SLC4A4: variants seen among roughly 807,000 people sequenced by gnomAD.
SLC4A4 encodes the protein electrogenic sodium bicarbonate cotransporter 1.
A neutral mutation model predicts 111.5 loss-of-function variants in SLC4A4; 27 were observed. That is an observed-to-expected ratio of 0.24 (90% CI 0.18 to 0.33). The LOEUF is 0.33. Ranked by LOEUF, SLC4A4 falls within the 10% of genes least tolerant of loss-of-function variation. The pLI, the probability that SLC4A4 is intolerant of heterozygous loss-of-function variation, is 1.00. For missense variants in SLC4A4, 909 were observed against 1,315.5 expected (o/e 0.69, Z 4.78); for synonymous variants, 443 against 463.4 (o/e 0.96, Z 0.57).
intron 2 of SLC4A4, among the ~76,000 whole-genome samples, chr4:71,112,201 C>T (rs184909863): frequency 6.6e-6 from 1 of 152,194 alleles, no homozygotes; most frequent in Non-Finnish European, 1.5e-5. Context: ...TAATTAAAAA[C>T]AAACAATTAT....
rs148333784 is a variant in SLC4A4 at position 71,494,313 on chromosome 4, T to A, written c.1975-3188T>A. On this transcript the variant is annotated intron_variant, in intron 15 of 25. Coordinates refer to ENST00000264485, the MANE Select transcript of SLC4A4 (RefSeq NM_001098484.3). ...TTCTGAGATTGTGTTCCCATTTGTC[T>A]TGTTCTTTGTTTTCTTCAGAGACAG... 2.6e-4 allele frequency among the ~76,000 whole-genome samples: 39 copies of A among 152,136 alleles called. No homozygotes were observed. The East Asian group carries it at 7.6e-3, about 30-fold the overall frequency.
intron 3 of SLC4A4, among the ~76,000 whole-genome samples, chr4:71,302,567 G>A (rs1725358509): frequency 6.6e-6 from 1 of 152,144 alleles, no homozygotes; most frequent in Non-Finnish European, 1.5e-5. Flanking sequence ...AACCTAATGG[G>A]GTTGCCTGTA....
chr4:71,421,625 T>A (rs1206555142), intron 7 of SLC4A4, among the ~76,000 whole-genome samples: 1 of 152,156 alleles, frequency 6.6e-6, no homozygotes, highest in African/African-American at 2.4e-5. Flanking sequence ...ACAGAAATTA[T>A]AACAAACGAT....
At chr4:71,502,306 A>AT (rs1223362131) in intron 16 of SLC4A4, among the ~76,000 whole-genome samples, 2 of 152,170 alleles carry the variant, frequency 1.3e-5, no homozygotes, top group East Asian at 3.9e-4. Context: ...AGTTTTGTTA[A>AT]TTTTTTTAAC....
chr4:71,115,420 A>C (rs886998158), intron 2 of SLC4A4, among the ~76,000 whole-genome samples: 10 of 152,200 alleles, frequency 6.6e-5, no homozygotes, highest in Non-Finnish European at 1.2e-4. Flanking sequence ...ACAAAACAAA[A>C]CAAAACAAAA....
chr4:71,214,000 A>G (rs1294897542), intron 1 of SLC4A4, among the ~76,000 whole-genome samples: 1 of 152,152 alleles, frequency 6.6e-6, no homozygotes, highest in African/African-American at 2.4e-5. Context: ...TGTTCTCTAC[A>G]CCCTACGTAG....
intron 14 of SLC4A4, among the ~76,000 whole-genome samples, chr4:71,474,662 T>C (rs1728195209): frequency 6.6e-6 from 1 of 151,754 alleles, no homozygotes; most frequent in South Asian, 2.1e-4. Flanking sequence ...TGGATTCTTT[T>C]TGTGTTAAGA....
intron 5 of SLC4A4, among the ~76,000 whole-genome samples, chr4:71,354,324 A>G (rs1730096389): frequency 6.6e-6 from 1 of 152,150 alleles, no homozygotes; most frequent in Non-Finnish European, 1.5e-5. Flanking sequence ...TATTGGTCCT[A>G]TTGTTTCTTA....
At chr4:71,459,065 T>C (rs1392076570) in intron 12 of SLC4A4, among the ~76,000 whole-genome samples, 1 of 152,066 alleles carries the variant, frequency 6.6e-6, no homozygotes, top group Non-Finnish European at 1.5e-5. Flanking sequence ...TATTTCTTCT[T>C]TAAAGAAGCT....
intron 7 of SLC4A4, among the ~76,000 whole-genome samples, chr4:71,421,484 A>C (rs1722498253): frequency 6.6e-6 from 1 of 152,182 alleles, no homozygotes; most frequent in Admixed American, 6.5e-5. Context: ...CACCAGGCGG[A>C]CCTAATAGAC....
At chr4:71,282,431 A>G (rs1346622451) in intron 3 of SLC4A4, among the ~76,000 whole-genome samples, 2 of 151,170 alleles carry the variant, frequency 1.3e-5, no homozygotes, top group Non-Finnish European at 3.0e-5. Context: ...GATTACAGGC[A>G]TGCTCCACCA....
intron 15 of SLC4A4, among the ~76,000 whole-genome samples, chr4:71,487,467 C>T (rs371446838): frequency 1.2e-4 from 18 of 151,664 alleles, no homozygotes; most frequent in South Asian, 8.3e-4. Flanking sequence ...TCACTTAGAA[C>T]GGACTGTGCC....
chr4:71,289,237 A>G (rs1048307759), intron 3 of SLC4A4, among the ~76,000 whole-genome samples: 2 of 152,248 alleles, frequency 1.3e-5, no homozygotes, highest in African/African-American at 4.8e-5. Context: ...GAAAAGGCCA[A>G]TAATGGAATC....
chr4:71,251,552 C>T (rs1721070499), intron 2 of SLC4A4, among the ~76,000 whole-genome samples: 1 of 152,114 alleles, frequency 6.6e-6, no homozygotes, highest in African/African-American at 2.4e-5. Context: ...GGAACTTGCA[C>T]CATCTGTCAG....
intron 17 of SLC4A4, 145 bp downstream of exon 17, chr4:71,532,320 A>G (rs1578128639): frequency 1.5e-6 from 1 of 666,850 alleles, no homozygotes; most frequent in East Asian, 2.7e-5. Flanking sequence ...AGGCTCATAT[A>G]TACATGTAGT....
intron 3 of SLC4A4, among the ~76,000 whole-genome samples, chr4:71,306,160 A>C (rs1725669745): frequency 6.6e-6 from 1 of 152,170 alleles, no homozygotes; most frequent in African/African-American, 2.4e-5. Context: ...GTGACAGTAC[A>C]CCAGGGTGGT....
chr4:71,223,894 C>T (rs1718900492), intron 1 of SLC4A4, among the ~76,000 whole-genome samples: 2 of 152,090 alleles, frequency 1.3e-5, no homozygotes, highest in South Asian at 4.1e-4. Flanking sequence ...TGCTTCTGCC[C>T]CTCAGGAACC....
chr4:71,385,187 A>AT (rs1560461079), intron 6 of SLC4A4, among the ~76,000 whole-genome samples: 4 of 16,674 alleles, frequency 2.4e-4, no homozygotes, highest in Admixed American at 1.0e-3. Flanking sequence ...ATATATATAT[A>AT]TATATTTTTT....
At chr4:71,237,016 T>C (rs1222078145) in intron 2 of SLC4A4, among the ~76,000 whole-genome samples, 4 of 152,254 alleles carry the variant, frequency 2.6e-5, no homozygotes, top group African/African-American at 9.6e-5. Context: ...GCATCTTTAA[T>C]ATTCTTTCTT....
Sources: gnomAD v4.1 joint callset for allele counts (sites outside exome capture counted in the v4.1 genomes callset) on GRCh38, gnomAD v4.1.1 for gene constraint, MANE v1.5 for transcripts, NCBI Gene and HGNC (gene_info 2026-07-23, HGNC 2026-07-21) for gene names.